TMEM108: variants seen among roughly 807,000 people sequenced by gnomAD.
The protein encoded by TMEM108 is transmembrane protein 108.
TMEM108 carries 12 observed loss-of-function variants against 35.1 expected under a neutral mutation model. The observed-to-expected ratio is 0.34, with a 90% CI of 0.22 to 0.55. The LOEUF (loss-of-function observed/expected upper bound fraction) is 0.55, where lower values mean the gene tolerates loss of function less well. TMEM108 is among the 20% of genes least tolerant of loss of function. The pLI is 0.89. For synonymous variants in TMEM108, 287 were observed against 308.6 expected (o/e 0.93, Z 0.73); for missense variants, 680 against 753.3 (o/e 0.90, Z 1.14).
intron 3 of TMEM108, among the ~76,000 whole-genome samples, chr3:133,248,937 C>G (rs1052249212): frequency 1.3e-5 from 2 of 152,166 alleles, no homozygotes. Flanking sequence ...TGCACTCACT[C>G]CTGCTGCTGA....
intron 3 of TMEM108, among the ~76,000 whole-genome samples, chr3:133,265,333 A>G (rs756754032): frequency 1.3e-5 from 2 of 152,182 alleles, no homozygotes; most frequent in Non-Finnish European, 2.9e-5. Context: ...TTCATTTTAA[A>G]ATGGGTCCTT....
At chr3:133,108,968 C>T (rs892119856) in intron 2 of TMEM108, among the ~76,000 whole-genome samples, 3 of 152,024 alleles carry the variant, frequency 2.0e-5, no homozygotes, top group Admixed American at 2.0e-4. Context: ...CACATGTACC[C>T]TACAACTTAA....
chr3:133,275,022 C>T (rs1946819975), intron 3 of TMEM108, among the ~76,000 whole-genome samples: 1 of 152,166 alleles, frequency 6.6e-6, no homozygotes, highest in South Asian at 2.1e-4. Context: ...ACCATAAATA[C>T]TCAATTAAAC....
chr3:133,354,454 C>T (rs762040019), intron 3 of TMEM108, among the ~76,000 whole-genome samples: 2 of 152,218 alleles, frequency 1.3e-5, no homozygotes, highest in Non-Finnish European at 2.9e-5. Context: ...CCCATCTCCA[C>T]GGGAGCTTTG....
At chr3:133,389,439 T>C (rs1297906368) in intron 4 of TMEM108, 1 of 975,240 alleles carries the variant, frequency 1.0e-6, no homozygotes, top group African/African-American at 1.8e-5. Flanking sequence ...ATCCCAGCAC[T>C]TTAGGAGGCT....
At chr3:133,288,432 A>G (rs1947014803) in intron 3 of TMEM108, among the ~76,000 whole-genome samples, 1 of 152,254 alleles carries the variant, frequency 6.6e-6, no homozygotes, top group Admixed American at 6.5e-5. Context: ...TGTATTCTTT[A>G]AATCGGATGC....
intron 2 of TMEM108, among the ~76,000 whole-genome samples, chr3:133,177,610 TCAA>T (rs1945255363): frequency 6.6e-6 from 1 of 152,166 alleles, no homozygotes; most frequent in Non-Finnish European, 1.5e-5. Context: ...TAGACAAAAT[TCAA>T]CAACGCTTCA....
At chr3:133,332,339 A>G (rs2071406196) in intron 3 of TMEM108, among the ~76,000 whole-genome samples, 1 of 152,164 alleles carries the variant, frequency 6.6e-6, no homozygotes, top group South Asian at 2.1e-4. Context: ...CCAATTTGCC[A>G]CTGGAACAGC....
intron 2 of TMEM108, among the ~76,000 whole-genome samples, chr3:133,226,863 A>C (rs1456331787): frequency 6.6e-6 from 1 of 152,196 alleles, no homozygotes; most frequent in East Asian, 1.9e-4. Context: ...ATGGACTTAC[A>C]GTTCCACATG....
At position 133,052,665 on chromosome 3, in the gene TMEM108, T is replaced by C. The variant is rs528046065; in HGVS notation, c.-47+6645T>C. Among the ~76,000 whole-genome samples the C allele has an allele frequency of 1.2e-3, 177 of 152,234 alleles. 1 individual carries two copies. Among genetic ancestry groups the C allele is most frequent in the Non-Finnish European group, 1.0e-3 (69 of 68,010 alleles). ...TGTTAGCTATAGATTTTTAAAATGT[T>C]CTTTTCCTTTTGGTTTGCCTTTCTT... On this transcript the variant is annotated intron_variant, in intron 2 of 5. Coordinates refer to ENST00000321871, the MANE Select transcript of TMEM108 (RefSeq NM_023943.4).
chr3:133,337,659 A>G (rs2071537083), intron 3 of TMEM108, among the ~76,000 whole-genome samples: 2 of 152,224 alleles, frequency 1.3e-5, no homozygotes, highest in Admixed American at 6.5e-5. Flanking sequence ...AACATCAACA[A>G]GAATCAAGAT....
At chr3:133,302,245 G>T (rs935989865) in intron 3 of TMEM108, among the ~76,000 whole-genome samples, 4 of 152,164 alleles carry the variant, frequency 2.6e-5, no homozygotes, top group Non-Finnish European at 5.9e-5. Context: ...TGACACATCA[G>T]TGTAACCACA....
intron 3 of TMEM108, among the ~76,000 whole-genome samples, chr3:133,243,074 A>G (rs1262045947): frequency 6.6e-6 from 1 of 152,196 alleles, no homozygotes; most frequent in Non-Finnish European, 1.5e-5. Context: ...GCATCCCTGG[A>G]AGCAGTGGAA....
intron 2 of TMEM108, among the ~76,000 whole-genome samples, chr3:133,180,087 C>G (rs1041101942): frequency 6.6e-6 from 1 of 152,086 alleles, no homozygotes; most frequent in Non-Finnish European, 1.5e-5. Context: ...TCTAGTATTT[C>G]AAGTTTATCA....
intron 3 of TMEM108, among the ~76,000 whole-genome samples, chr3:133,327,697 G>T (rs2071347894): frequency 6.6e-6 from 1 of 152,120 alleles, no homozygotes; most frequent in South Asian, 2.1e-4. Context: ...GGCTACAGAG[G>T]CTCAGGGGCA....
chr3:133,201,148 C>G (rs75596587), intron 2 of TMEM108, among the ~76,000 whole-genome samples: 4,442 of 152,174 alleles, frequency 0.029, 86 homozygotes, highest in Non-Finnish European at 0.043. Flanking sequence ...ATTTACAAAG[C>G]CTGTATCAAA....
intron 2 of TMEM108, among the ~76,000 whole-genome samples, chr3:133,176,546 A>G (rs1423267905): frequency 2.6e-5 from 4 of 152,224 alleles, no homozygotes; most frequent in African/African-American, 9.6e-5. Flanking sequence ...TGGAAACTGA[A>G]CAACCTGCTC....
At chr3:133,135,960 T>G (rs912776590) in intron 2 of TMEM108, among the ~76,000 whole-genome samples, 11 of 152,204 alleles carry the variant, frequency 7.2e-5, no homozygotes, top group African/African-American at 2.7e-4. Flanking sequence ...GAATTAATAT[T>G]TGAGATGTTA....
intron 2 of TMEM108, among the ~76,000 whole-genome samples, chr3:133,114,085 G>A (rs1276775128): frequency 1.3e-5 from 2 of 152,172 alleles, no homozygotes; most frequent in Non-Finnish European, 2.9e-5. Flanking sequence ...GCACCTGGCT[G>A]TTTACAACAA....
Sources: allele counts gnomAD v4.1 joint callset (sites outside exome capture counted in the v4.1 genomes callset), GRCh38; gene constraint gnomAD v4.1.1; transcripts MANE v1.5; gene names NCBI Gene and HGNC (gene_info 2026-07-23, HGNC 2026-07-21).